The following GALNT13 variants were observed in gnomAD, a reference collection of about 807,000 sequenced individuals.
GALNT13 encodes the protein UDP-GalNAc:polypeptide N-acetylgalactosaminyltransferase 13.
A neutral mutation model predicts 64.2 loss-of-function variants in GALNT13; 28 were observed. That is an observed-to-expected ratio of 0.44 (90% CI 0.32 to 0.60). The LOEUF is 0.60. Among genes scored for constraint, GALNT13 ranks in the 20% least tolerant of loss-of-function variants. GALNT13 has a pLI of 0.05. For missense variants in GALNT13, 577 were observed against 669.8 expected, an observed-to-expected ratio of 0.86 and a Z score of 1.53; for synonymous variants, 214 against 224.6, an observed-to-expected ratio of 0.95 and a Z score of 0.42.
chr2:154,301,683 T>A, intron 9 of GALNT13, 94 bp downstream of exon 9: 1 of 825,594 alleles, frequency 1.2e-6, no homozygotes, highest in Non-Finnish European at 1.9e-6. Context: ...TTCTTCTAGT[T>A]AAAATATTGT....
At chr2:153,072,916 G>A in the GALNT13 span, among the ~76,000 whole-genome samples, 2 of 152,110 alleles carry the variant, frequency 1.3e-5, no homozygotes, top group African/African-American at 4.8e-5. Context: ...CTTCTATTGA[G>A]CATCGTTCCA....
At chr2:153,344,845 C>G in the GALNT13 span, among the ~76,000 whole-genome samples, 1 of 152,252 alleles carries the variant, frequency 6.6e-6, no homozygotes, top group Admixed American at 6.5e-5. Context: ...TGTATCAAAG[C>G]ATCAAGTTAT....
chr2:154,401,870 A>G (rs1023872761), intron 10 of GALNT13, among the ~76,000 whole-genome samples: 5 of 152,138 alleles, frequency 3.3e-5, no homozygotes, highest in African/African-American at 1.2e-4. Flanking sequence ...GACCTTCTAA[A>G]TCCAGTTCTC....
At position 154,039,798 on chromosome 2, in the gene GALNT13, A is replaced by T. The variant is rs1029267739; in HGVS notation, c.142+95159A>T. Among the ~76,000 whole-genome samples the T allele has an allele frequency of 1.4e-5, 2 of 139,856 alleles. 1 individual carries two copies. Among genetic ancestry groups the T allele is most frequent in the Admixed American group, 1.4e-4 (2 of 13,900 alleles). 91.8% of individuals were successfully genotyped at this position (139,856 alleles called of 152,430 possible). A position where few individuals can be genotyped will look rare whatever the true frequency, so the allele number is the denominator to read the frequency against. On this transcript the variant is annotated intron_variant, in intron 3 of 12. Coordinates refer to ENST00000392825, the MANE Select transcript of GALNT13 (RefSeq NM_052917.4). Reference sequence around the variant, plus strand: ...TGCCTCCTACAAAAAGAAATGAGAAATATTTGAGGTGATGGATATGCTAAT... The same window carrying T: ...TGCCTCCTACAAAAAGAAATGAGAATTATTTGAGGTGATGGATATGCTAAT...
At chr2:153,555,004 A>G in the GALNT13 span, among the ~76,000 whole-genome samples, 1 of 152,092 alleles carries the variant, frequency 6.6e-6, no homozygotes, top group African/African-American at 2.4e-5. Flanking sequence ...CTAGCACATA[A>G]TAGACACTCA....
chr2:153,167,252 C>G, the GALNT13 span, among the ~76,000 whole-genome samples: 1 of 152,182 alleles, frequency 6.6e-6, no homozygotes, highest in South Asian at 2.1e-4. Flanking sequence ...ACAGAAGGGT[C>G]ATACATTTTT....
At chr2:153,636,809 A>G in the GALNT13 span, among the ~76,000 whole-genome samples, 1 of 152,154 alleles carries the variant, frequency 6.6e-6, no homozygotes, top group African/African-American at 2.4e-5. Flanking sequence ...ACTTAAAGAA[A>G]TTATTACAGT....
chr2:154,365,795 GAGA>G (rs1344507935), intron 9 of GALNT13, among the ~76,000 whole-genome samples: 1 of 152,162 alleles, frequency 6.6e-6, no homozygotes, highest in African/African-American at 2.4e-5. Flanking sequence ...CTTACTGCAT[GAGA>G]AGAACTATCT....
At chr2:153,605,795 CTA>C in the GALNT13 span, among the ~76,000 whole-genome samples, 1 of 152,068 alleles carries the variant, frequency 6.6e-6, no homozygotes, top group African/African-American at 2.4e-5. Context: ...AATAACATTG[CTA>C]TGTTTGAAGA....
At chr2:154,232,477 A>C (rs1158877065) in intron 4 of GALNT13, among the ~76,000 whole-genome samples, 3 of 152,116 alleles carry the variant, frequency 2.0e-5, no homozygotes, top group Non-Finnish European at 4.4e-5. Flanking sequence ...AGACTTCTTT[A>C]TATCTAAGTC....
At chr2:153,251,279 T>A in the GALNT13 span, among the ~76,000 whole-genome samples, 1 of 152,178 alleles carries the variant, frequency 6.6e-6, no homozygotes, top group Non-Finnish European at 1.5e-5. Context: ...CAGTAATAAT[T>A]GTAATTGATA....
chr2:154,318,301 G>A lies in GALNT13; in HGVS notation c.1156+16712G>A, dbSNP rs147193713. Among the ~76,000 whole-genome samples, 18 of 152,202 alleles carry A rather than the reference G, an allele frequency of 1.2e-4. No individual in the cohort carries two copies. The South Asian group carries it at 1.7e-3, about 14-fold the overall frequency. ...TACAGGAATTTAAATATTCCAAAAC[G>A]CCTTAAAAAACTTAATGAATATTAC... On this transcript the variant is annotated intron_variant, in intron 9 of 12. Transcript: ENST00000392825.
At chr2:153,426,758 T>G in the GALNT13 span, among the ~76,000 whole-genome samples, 1 of 152,018 alleles carries the variant, frequency 6.6e-6, no homozygotes, top group East Asian at 1.9e-4. Flanking sequence ...CAAAACTCTT[T>G]TTGAGCATAA....
the GALNT13 span, among the ~76,000 whole-genome samples, chr2:153,452,913 C>T: frequency 6.6e-6 from 1 of 152,028 alleles, no homozygotes; most frequent in African/African-American, 2.4e-5. Context: ...ATGGTACTGG[C>T]ACAAAAATAG....
At chr2:153,401,233 C>A in the GALNT13 span, among the ~76,000 whole-genome samples, 4 of 151,214 alleles carry the variant, frequency 2.6e-5, no homozygotes, top group African/African-American at 9.8e-5. Context: ...TAGTTGAGCG[C>A]TTTTGAATGA....
the GALNT13 span, among the ~76,000 whole-genome samples, chr2:153,603,374 T>A: frequency 6.6e-6 from 1 of 151,928 alleles, no homozygotes; most frequent in East Asian, 1.9e-4. Context: ...AACTTCCATA[T>A]GCAAGCAGAC....
At chr2:154,236,438 G>T (rs1689194698) in intron 4 of GALNT13, among the ~76,000 whole-genome samples, 1 of 151,994 alleles carries the variant, frequency 6.6e-6, no homozygotes, top group Admixed American at 6.6e-5. Context: ...CACACCTATA[G>T]TTTTTTGAGC....
chr2:153,391,700 T>C, the GALNT13 span, among the ~76,000 whole-genome samples: 1 of 152,042 alleles, frequency 6.6e-6, no homozygotes, highest in Admixed American at 6.6e-5. Flanking sequence ...CTTGATGCTA[T>C]GTGACTCCCA....
the GALNT13 span, among the ~76,000 whole-genome samples, chr2:153,788,925 A>G: frequency 6.6e-6 from 1 of 152,236 alleles, no homozygotes; most frequent in African/African-American, 2.4e-5. Context: ...TATGCACCCA[A>G]CACGAGATCA....
Sources: gnomAD v4.1 joint callset for allele counts (sites outside exome capture counted in the v4.1 genomes callset) on GRCh38, gnomAD v4.1.1 for gene constraint, MANE v1.5 for transcripts, NCBI Gene and HGNC (gene_info 2026-07-23, HGNC 2026-07-21) for gene names.